Variants in KCNIP4 observed in about 807,000 individuals in gnomAD.
KCNIP4 encodes the protein potassium voltage-gated channel interacting protein 4.
KCNIP4 carries 12 observed loss-of-function variants against 34.0 expected under a neutral mutation model. That is an observed-to-expected ratio of 0.35 (90% CI 0.23 to 0.57). KCNIP4 has a LOEUF of 0.57. Among genes scored for constraint, KCNIP4 ranks in the 20% least tolerant of loss-of-function variants. The pLI, the probability that KCNIP4 is intolerant of heterozygous loss-of-function variation, is 0.83. For missense variants in KCNIP4, 238 were observed against 311.7 expected, an observed-to-expected ratio of 0.76 and a Z score of 1.78; for synonymous variants, 124 against 102.2, an observed-to-expected ratio of 1.21 and a Z score of -1.29.
At chr4:21,849,195 T>A (rs950203302) in intron 1 of KCNIP4, 1 of 152,168 alleles carries the variant, frequency 6.6e-6, no homozygotes, top group African/African-American at 2.4e-5. Context: ...TGTTGTGCAA[T>A]CCTGAGACTT....
chr4:21,759,186 C>T (rs1205257968), intron 1 of KCNIP4, among the ~76,000 whole-genome samples: 1 of 152,072 alleles, frequency 6.6e-6, no homozygotes, highest in Non-Finnish European at 1.5e-5. Flanking sequence ...ATTATGTGAA[C>T]CATTTTTTAT....
chr4:21,543,828 A>G (rs1490702859), intron 1 of KCNIP4, among the ~76,000 whole-genome samples: 1 of 152,100 alleles, frequency 6.6e-6, no homozygotes, highest in East Asian at 1.9e-4. Flanking sequence ...TTCATTATAG[A>G]TTACCTTCCA....
At chr4:21,106,363 A>G (rs1244161677) in intron 1 of KCNIP4, among the ~76,000 whole-genome samples, 1 of 151,726 alleles carries the variant, frequency 6.6e-6, no homozygotes, top group Non-Finnish European at 1.5e-5. Context: ...CATTTCTTCT[A>G]GATTTTCTAG....
intron 1 of KCNIP4, among the ~76,000 whole-genome samples, chr4:21,054,590 A>T (rs76180390): frequency 0.082 from 12,434 of 151,816 alleles, 574 homozygotes; most frequent in Middle Eastern, 0.14. Context: ...AGTCCCACAT[A>T]AATTAGTCAA....
chr4:21,124,217 T>A (rs535172178), intron 1 of KCNIP4, among the ~76,000 whole-genome samples: 55 of 152,264 alleles, frequency 3.6e-4, no homozygotes, highest in Non-Finnish European at 7.1e-4. Flanking sequence ...GTTTGGAAAG[T>A]CCCACTATAC....
intron 1 of KCNIP4, among the ~76,000 whole-genome samples, chr4:21,008,069 CA>C (rs1219633001): frequency 6.6e-6 from 1 of 152,142 alleles, no homozygotes; most frequent in African/African-American, 2.4e-5. Flanking sequence ...CAGTAGCTGC[CA>C]AAATGTTTCC....
intron 1 of KCNIP4, among the ~76,000 whole-genome samples, chr4:21,318,234 A>T (rs1230537558): frequency 6.6e-6 from 1 of 152,248 alleles, no homozygotes; most frequent in African/African-American, 2.4e-5. Flanking sequence ...TCATTAGCTC[A>T]TGTAAAGGTT....
intron 1 of KCNIP4, among the ~76,000 whole-genome samples, chr4:21,616,292 C>T (rs1305788711): frequency 6.6e-6 from 1 of 152,178 alleles, no homozygotes; most frequent in African/African-American, 2.4e-5. Context: ...ACCTGTCTCA[C>T]AATTGCACCC....
At chr4:21,918,631 C>T (rs1462048998) in intron 1 of KCNIP4, among the ~76,000 whole-genome samples, 16 of 152,212 alleles carry the variant, frequency 1.1e-4, no homozygotes, top group Non-Finnish European at 7.4e-5. Context: ...GAGTAAGATG[C>T]CTGCCAGCAA....
intron 1 of KCNIP4, among the ~76,000 whole-genome samples, chr4:21,568,045 G>T (rs564695015): frequency 6.6e-6 from 1 of 152,242 alleles, no homozygotes; most frequent in African/African-American, 2.4e-5. Context: ...TGCCCTGAGG[G>T]AGAGAGTCAT....
At chr4:21,869,012 C>T (rs556221363) in intron 1 of KCNIP4, among the ~76,000 whole-genome samples, 1 of 152,300 alleles carries the variant, frequency 6.6e-6, no homozygotes, top group South Asian at 2.1e-4. Context: ...TCTTCACTTT[C>T]TCAGAACACT....
At chr4:20,788,313 T>C (rs1712270863) in intron 3 of KCNIP4, among the ~76,000 whole-genome samples, 1 of 152,174 alleles carries the variant, frequency 6.6e-6, no homozygotes, top group Admixed American at 6.5e-5. Context: ...AACCCTGAAG[T>C]GCATTAGAAT....
At chr4:21,465,498 C>G (rs973340062) in intron 1 of KCNIP4, among the ~76,000 whole-genome samples, 3 of 152,106 alleles carry the variant, frequency 2.0e-5, no homozygotes, top group African/African-American at 7.2e-5. Context: ...AGGGCAATGC[C>G]CAGTGTCCTA....
intron 1 of KCNIP4, among the ~76,000 whole-genome samples, chr4:21,166,853 C>T (rs1394106572): frequency 2.1e-5 from 3 of 144,828 alleles, no homozygotes; most frequent in Admixed American, 1.4e-4. Flanking sequence ...GCAAGAGAAT[C>T]GCTTGAACCT....
chr4:20,777,002 T>C (rs968105100), intron 3 of KCNIP4, among the ~76,000 whole-genome samples: 1 of 152,322 alleles, frequency 6.6e-6, no homozygotes, highest in African/African-American at 2.4e-5. Context: ...CAAATTCATA[T>C]GTTGAAACCT....
At chr4:21,625,135 G>A (rs1209422040) in intron 1 of KCNIP4, among the ~76,000 whole-genome samples, 6 of 151,818 alleles carry the variant, frequency 4.0e-5, no homozygotes, top group African/African-American at 1.2e-4. Flanking sequence ...GTCCTCCTTT[G>A]CTGAGCACTA....
At chr4:21,202,127 A>G (rs1034766262) in intron 1 of KCNIP4, among the ~76,000 whole-genome samples, 1 of 152,186 alleles carries the variant, frequency 6.6e-6, no homozygotes, top group Non-Finnish European at 1.5e-5. Context: ...TATATACCCA[A>G]AGGAAAACAA....
chr4:21,822,836 G>C (rs1722442067), intron 1 of KCNIP4, among the ~76,000 whole-genome samples: 1 of 150,898 alleles, frequency 6.6e-6, no homozygotes, highest in Non-Finnish European at 1.5e-5. Flanking sequence ...TCTTGCCTCA[G>C]CCTTCTGAGT....
At chr4:20,920,982 A>T (rs997413306) in intron 1 of KCNIP4, among the ~76,000 whole-genome samples, 3 of 152,096 alleles carry the variant, frequency 2.0e-5, no homozygotes, top group African/African-American at 7.2e-5. Flanking sequence ...GTGAGACTTC[A>T]TCTCAAAAAC....
Sources: gnomAD v4.1 joint callset for allele counts (sites outside exome capture counted in the v4.1 genomes callset) on GRCh38, gnomAD v4.1.1 for gene constraint, MANE v1.5 for transcripts, NCBI Gene and HGNC (gene_info 2026-07-23, HGNC 2026-07-21) for gene names.